The following ADCY2 variants were observed in gnomAD, a reference collection of about 807,000 sequenced individuals.
ADCY2 encodes the protein adenylate cyclase 2, also known as adenylate cyclase type 2.
In ADCY2, 31 loss-of-function variants were observed where a neutral mutation model predicts 125.2. The ratio of observed to expected loss-of-function variants is 0.25; its 90% CI spans 0.19 to 0.33. The LOEUF is 0.33. Ranked by LOEUF, ADCY2 falls within the 10% of genes least tolerant of loss-of-function variation. ADCY2 has a pLI of 1.00. For missense variants in ADCY2, 904 were observed against 1,418.2 expected (o/e 0.64, Z 5.82); for synonymous variants, 512 against 548.4 (o/e 0.93, Z 0.93).
intron 4 of ADCY2, among the ~76,000 whole-genome samples, chr5:7,634,053 C>T (rs1465629496): frequency 2.0e-5 from 3 of 152,194 alleles, no homozygotes; most frequent in Non-Finnish European, 4.4e-5. Context: ...CTCAAGTCTT[C>T]TGTGATTGCC....
intron 20 of ADCY2, among the ~76,000 whole-genome samples, chr5:7,790,108 A>G (rs557753024): frequency 8.5e-5 from 13 of 152,290 alleles, no homozygotes; most frequent in African/African-American, 2.9e-4. Context: ...TAGGATCCCA[A>G]ATATGCCTCC....
At chr5:7,402,543 T>C (rs10512921) in intron 1 of ADCY2, among the ~76,000 whole-genome samples, 25,010 of 152,054 alleles carry the variant, frequency 0.16, 2,302 homozygotes, top group Non-Finnish European at 0.21. Context: ...AAAAAACCAT[T>C]GTGGGCTGCT....
chr5:7,472,280 C>T (rs988092147), intron 2 of ADCY2, among the ~76,000 whole-genome samples: 17 of 152,032 alleles, frequency 1.1e-4, no homozygotes, highest in African/African-American at 4.1e-4. Context: ...TTCACTGATT[C>T]GTATCTAAAC....
intron 20 of ADCY2, chr5:7,794,307 G>A (rs1158732035): frequency 6.6e-6 from 1 of 152,190 alleles, no homozygotes; most frequent in African/African-American, 2.4e-5. Flanking sequence ...TACTCTAGCA[G>A]CCATTGTAAG....
intron 2 of ADCY2, among the ~76,000 whole-genome samples, chr5:7,482,313 G>A (rs531340005): frequency 2.6e-5 from 4 of 152,054 alleles, no homozygotes; most frequent in Admixed American, 6.6e-5. Flanking sequence ...GGTTGTTTGA[G>A]TTCTTTTTGT....
In ADCY2 at chr5:7,741,767, T is replaced by A. The variant is rs549440039; in HGVS notation, c.1872-1901T>A. Reference sequence around the variant, plus strand: ...ATCACCATCACCATCCCTATCACTGTCACCATACCATCATCATCCCTATCA... The same window carrying A: ...ATCACCATCACCATCCCTATCACTGACACCATACCATCATCATCCCTATCA... On this transcript the variant is annotated intron_variant, in intron 14 of 24. Transcript: ENST00000338316. 3.7e-4 allele frequency among the ~76,000 whole-genome samples: 33 copies of A among 88,652 alleles called. 2 individuals carry two copies. The highest frequency in any genetic ancestry group is 1.4e-3 in the African/African-American group (32 of 23,366). 58.2% of individuals were successfully genotyped at this position (88,652 alleles called of 152,430 possible). A position where few individuals can be genotyped will look rare whatever the true frequency, so the allele number is the denominator to read the frequency against.
At chr5:7,658,371 T>TG (rs923736639) in intron 4 of ADCY2, among the ~76,000 whole-genome samples, 8 of 151,822 alleles carry the variant, frequency 5.3e-5, no homozygotes, top group African/African-American at 9.7e-5. Context: ...TATAAGTTTT[T>TG]GTTTCTCCTT....
chr5:7,754,862 G>GAA (rs905197674), intron 15 of ADCY2, among the ~76,000 whole-genome samples: 35 of 139,506 alleles, frequency 2.5e-4, no homozygotes, highest in African/African-American at 8.1e-4. Context: ...TCCGTCTCAG[G>GAA]AAAAAAAAAA....
intron 4 of ADCY2, among the ~76,000 whole-genome samples, chr5:7,676,561 A>G (rs893207279): frequency 1.3e-5 from 2 of 152,222 alleles, no homozygotes; most frequent in Non-Finnish European, 2.9e-5. Flanking sequence ...ATTTACGTCT[A>G]CAACAGTCTT....
At chr5:7,575,940 C>T (rs919441316) in intron 3 of ADCY2, among the ~76,000 whole-genome samples, 18 of 151,938 alleles carry the variant, frequency 1.2e-4, no homozygotes, top group Non-Finnish European at 1.9e-4. Context: ...TCTGTGAATG[C>T]GTGTGTGTGT....
intron 3 of ADCY2, among the ~76,000 whole-genome samples, chr5:7,580,093 C>A (rs1185209138): frequency 6.6e-6 from 1 of 152,014 alleles, no homozygotes; most frequent in East Asian, 1.9e-4. Context: ...ACCCTAGGAG[C>A]TACTAGAAGG....
At chr5:7,636,946 AGAG>A (rs1738526253) in intron 4 of ADCY2, among the ~76,000 whole-genome samples, 1 of 152,212 alleles carries the variant, frequency 6.6e-6, no homozygotes, top group African/African-American at 2.4e-5. Context: ...GTAGCAGAGA[AGAG>A]GAGCCAAGAA....
At chr5:7,537,079 CTG>C (rs1734840802) in intron 3 of ADCY2, among the ~76,000 whole-genome samples, 2 of 152,246 alleles carry the variant, frequency 1.3e-5, no homozygotes, top group Admixed American at 6.5e-5. Flanking sequence ...GTCTCACTGA[CTG>C]TGTAGAAATT....
chr5:7,703,120 T>C (rs1411036570), intron 7 of ADCY2, among the ~76,000 whole-genome samples: 2 of 152,376 alleles, frequency 1.3e-5, no homozygotes, highest in East Asian at 3.9e-4. Context: ...TTGTAGATTC[T>C]GGATATTAGC....
At chr5:7,563,280 C>T (rs912292033) in intron 3 of ADCY2, among the ~76,000 whole-genome samples, 3 of 152,154 alleles carry the variant, frequency 2.0e-5, no homozygotes, top group Admixed American at 2.0e-4. Flanking sequence ...CTCTAGGGTG[C>T]AGCAATATAG....
intron 3 of ADCY2, among the ~76,000 whole-genome samples, chr5:7,583,621 G>C (rs1736506683): frequency 6.6e-6 from 1 of 152,090 alleles, no homozygotes. Context: ...TATTGTCAAA[G>C]TTATCGGATA....
intron 2 of ADCY2, among the ~76,000 whole-genome samples, chr5:7,468,671 A>G (rs1742219262): frequency 6.6e-6 from 1 of 152,148 alleles, no homozygotes. Flanking sequence ...CTTGCTGCTT[A>G]GCTAAAACCC....
chr5:7,570,571 A>G (rs528801697), intron 3 of ADCY2, among the ~76,000 whole-genome samples: 7 of 151,912 alleles, frequency 4.6e-5, no homozygotes, highest in Non-Finnish European at 5.9e-5. Flanking sequence ...AAAATGCAGA[A>G]AAAAAGAAGA....
At chr5:7,738,468 C>T (rs1170252092) in intron 14 of ADCY2, among the ~76,000 whole-genome samples, 3 of 151,834 alleles carry the variant, frequency 2.0e-5, no homozygotes, top group African/African-American at 7.3e-5. Flanking sequence ...TAAAATGGTA[C>T]GTTTGAAGTA....
Sources: allele counts gnomAD v4.1 joint callset (sites outside exome capture counted in the v4.1 genomes callset), GRCh38; gene constraint gnomAD v4.1.1; transcripts MANE v1.5; gene names NCBI Gene and HGNC (gene_info 2026-07-23, HGNC 2026-07-21).